The following DRC8 variants were observed in gnomAD, a reference collection of about 807,000 sequenced individuals.
The protein encoded by DRC8 is dynein regulatory complex protein 8.
At chr1:245,088,079 CTGAG>C in the DRC8 span, among the ~76,000 whole-genome samples, 1 of 152,110 alleles carries the variant, frequency 6.6e-6, no homozygotes, top group African/African-American at 2.4e-5. The surrounding 1 kb of genome is among the most constrained non-coding windows in gnomAD (Gnocchi z 4.6). Context: ...GTCCTGAATA[CTGAG>C]TAAGAATACT....
chr1:245,087,268 A>T, the DRC8 span: 5 of 1,610,718 alleles, frequency 3.1e-6, no homozygotes, highest in Non-Finnish European at 4.2e-6. Flanking sequence ...TCAAGAGGAA[A>T]TGGAAGAAAT....
At chr1:245,029,983 T>A in the DRC8 span, among the ~76,000 whole-genome samples, 2 of 152,200 alleles carry the variant, frequency 1.3e-5, no homozygotes, top group African/African-American at 4.8e-5. Context: ...TGAGGATTGG[T>A]GGTTTCAGAG....
the DRC8 span, among the ~76,000 whole-genome samples, chr1:245,098,219 G>A: frequency 6.6e-6 from 1 of 152,160 alleles, no homozygotes; most frequent in African/African-American, 2.4e-5. Context: ...TAAGGTTGAG[G>A]GGGAAGATCG....
the DRC8 span, among the ~76,000 whole-genome samples, chr1:245,017,779 C>G: frequency 2.0e-5 from 3 of 152,088 alleles, no homozygotes; most frequent in African/African-American, 7.2e-5. Context: ...AGAACCCAAA[C>G]AGAAGAACAT....
the DRC8 span, among the ~76,000 whole-genome samples, chr1:244,984,128 TGGG>T: frequency 2.1e-5 from 3 of 145,566 alleles, no homozygotes; most frequent in Non-Finnish European, 4.6e-5. Context: ...CTAATTTTTT[TGGG>T]GGGGGGGAAT....
At chr1:245,105,236 C>A in the DRC8 span, among the ~76,000 whole-genome samples, 11 of 152,136 alleles carry the variant, frequency 7.2e-5, no homozygotes, top group Non-Finnish European at 1.6e-4. Flanking sequence ...TGTCACTCCT[C>A]ATACTCAGTA....
the DRC8 span, among the ~76,000 whole-genome samples, chr1:245,101,786 T>G: frequency 6.6e-6 from 1 of 152,202 alleles, no homozygotes; most frequent in East Asian, 1.9e-4. Flanking sequence ...AATAAAGTCA[T>G]GAATATTTGG....
At chr1:245,064,048 A>C in the DRC8 span, among the ~76,000 whole-genome samples, 1 of 152,184 alleles carries the variant, frequency 6.6e-6, no homozygotes, top group Non-Finnish European at 1.5e-5. Flanking sequence ...TTTTAAAAAA[A>C]GAGAAAGAAA....
chr1:245,016,331 T>G, the DRC8 span, among the ~76,000 whole-genome samples: 92 of 152,152 alleles, frequency 6.0e-4, no homozygotes, highest in Non-Finnish European at 1.1e-3. Context: ...ATCTTATTTC[T>G]TACTCTTCTG....
the DRC8 span, among the ~76,000 whole-genome samples, chr1:245,093,262 C>T: frequency 6.6e-6 from 1 of 152,132 alleles, no homozygotes; most frequent in African/African-American, 2.4e-5. Context: ...AATGTGAAAA[C>T]AGGAGGCCTT....
the DRC8 span, among the ~76,000 whole-genome samples, chr1:245,011,217 A>G: frequency 0.11 from 16,108 of 152,204 alleles, 954 homozygotes; most frequent in East Asian, 0.25. Flanking sequence ...GAACCATCAG[A>G]AAGCAAAAAT....
At chr1:245,032,512 C>T in the DRC8 span, among the ~76,000 whole-genome samples, 1 of 152,188 alleles carries the variant, frequency 6.6e-6, no homozygotes, top group Non-Finnish European at 1.5e-5. Context: ...ACTGAGAGCT[C>T]ATTTATGCCA....
At chr1:245,051,924 C>T in the DRC8 span, among the ~76,000 whole-genome samples, 2 of 149,054 alleles carry the variant, frequency 1.3e-5, no homozygotes, top group Non-Finnish European at 3.0e-5. Flanking sequence ...ATAGGACATT[C>T]CTCTAAAGTG....
At chr1:245,021,720 G>C in the DRC8 span, among the ~76,000 whole-genome samples, 9 of 152,070 alleles carry the variant, frequency 5.9e-5, no homozygotes, top group African/African-American at 2.2e-4. Flanking sequence ...ACAGACGTGA[G>C]CCACTGTGCC....
the DRC8 span, among the ~76,000 whole-genome samples, chr1:244,972,042 G>A: frequency 0.58 from 88,139 of 150,984 alleles, 26,414 homozygotes; most frequent in East Asian, 0.75. Flanking sequence ...ACTTGGTTAG[G>A]TCAGCATGAG....
chr1:245,114,867 A>T, the DRC8 span, among the ~76,000 whole-genome samples: 1 of 152,146 alleles, frequency 6.6e-6, no homozygotes, highest in South Asian at 2.1e-4. Flanking sequence ...CTGGGACTAG[A>T]GGCACATGCC....
the DRC8 span, chr1:244,971,014 G>C: frequency 6.3e-6 from 1 of 158,376 alleles, no homozygotes; most frequent in East Asian, 1.9e-4. Flanking sequence ...AATCTGACGG[G>C]ATCCTCTGTT....
the DRC8 span, among the ~76,000 whole-genome samples, chr1:245,015,358 T>A: frequency 2.6e-5 from 4 of 152,320 alleles, no homozygotes; most frequent in African/African-American, 9.6e-5. Context: ...CCCTTTTCTT[T>A]CTCTCTGCAC....
chr1:245,044,824 C>T, the DRC8 span, among the ~76,000 whole-genome samples: 2 of 152,078 alleles, frequency 1.3e-5, no homozygotes, highest in African/African-American at 4.8e-5. Flanking sequence ...AAGTGATCCA[C>T]CTACCTCGGT....
Sources: gnomAD v4.1 joint callset for allele counts (sites outside exome capture counted in the v4.1 genomes callset) on GRCh38, gnomAD v4.1.1 for gene constraint, Gnocchi (gnomAD v3.1) non-coding constraint, MANE v1.5 for transcripts, NCBI Gene and HGNC (gene_info 2026-07-23, HGNC 2026-07-21) for gene names.